Variants in SH2D4B observed in about 807,000 individuals in gnomAD.
SH2D4B encodes the protein SH2 domain-containing protein 4B.
A neutral mutation model predicts 61.5 loss-of-function variants in SH2D4B; 45 were observed. The observed-to-expected ratio is 0.73, with a 90% confidence interval of 0.58 to 0.94. The LOEUF (loss-of-function observed/expected upper bound fraction) is 0.94. Among genes scored for constraint, SH2D4B ranks in the 40% least tolerant of loss-of-function variants. The pLI is 0.00. For missense variants in SH2D4B, 572 were observed against 574.2 expected, an observed-to-expected ratio of 1.00 and a Z score of 0.04; for synonymous variants, 224 against 220.4, an observed-to-expected ratio of 1.02 and a Z score of -0.14.
chr10:80,544,355 C>A (rs1841636245), intron 1 of SH2D4B, among the ~76,000 whole-genome samples: 1 of 152,184 alleles, frequency 6.6e-6, no homozygotes, highest in African/African-American at 2.4e-5. Context: ...TCAGAAGGAA[C>A]AAACTCCGGA....
intron 3 of SH2D4B, among the ~76,000 whole-genome samples, chr10:80,575,959 G>A (rs1171283991): frequency 2.0e-5 from 3 of 152,230 alleles, no homozygotes; most frequent in Non-Finnish European, 1.5e-5. Context: ...ATTTAAGTCT[G>A]TTCGGGAAGA....
intron 3 of SH2D4B, among the ~76,000 whole-genome samples, chr10:80,572,643 G>A (rs1258446550): frequency 2.0e-5 from 3 of 151,484 alleles, no homozygotes; most frequent in Non-Finnish European, 2.9e-5. Flanking sequence ...TTTTTGAGAC[G>A]GAGTCTTGCT....
rs902521366 is a variant in SH2D4B, at chr10:80,538,950, T to C, written c.184+435T>C. ...TCCTTGGCATGCGTGGCACACCAGTTCTTGGCTAGGGCCCCTTCTGTGGAC... is the reference window on the plus strand; with the variant it reads ...TCCTTGGCATGCGTGGCACACCAGTCCTTGGCTAGGGCCCCTTCTGTGGAC... On this transcript the variant is annotated intron_variant, in intron 1 of 7. Coordinates refer to ENST00000646907, the MANE Select transcript of SH2D4B (RefSeq NM_001388272.1). The surrounding 1 kb of genome is among the most constrained non-coding windows in gnomAD (Gnocchi z 4.8). 6.6e-6 allele frequency among the ~76,000 whole-genome samples: 1 copy of C among 152,232 alleles called. No individual in the cohort carries two copies. Among genetic ancestry groups the C allele is most frequent in the African/African-American group, 2.4e-5 (1 of 41,462 alleles).
intron 4 of SH2D4B, among the ~76,000 whole-genome samples, chr10:80,600,190 T>G (rs1018515896): frequency 6.6e-6 from 1 of 152,224 alleles, no homozygotes; most frequent in African/African-American, 2.4e-5. Context: ...CGGAGCAGAA[T>G]TTAAACACAT....
rs771599916 is a variant in SH2D4B, at chr10:80,609,510, G to A, written c.947G>A (p.Gly316Asp). The A allele has an allele frequency of 1.2e-6, 2 of 1,614,116 alleles. No individual in the cohort carries two copies. Among genetic ancestry groups the A allele is most frequent in the Admixed American group, 3.3e-5 (2 of 60,008 alleles). The part of the protein sequence containing the change: ...FKEEQLPRRA[G>D]FERNTKFIAP... ...GAGGAGCAGCTGCCTCGCCGAGCTG[G>A]CTTCGAGAGGAACACCAAGTTCATC... is the stretch of plus-strand genomic sequence containing the variant. The change falls in exon 6 of 8, where the codon GGC (glycine) becomes GAC (aspartate). Residue 316 changes from glycine to aspartate, a missense_variant. Transcript: ENST00000646907.
chr10:80,538,287 T>A lies in SH2D4B; in HGVS notation c.-45T>A. ...CTCGGGCGTTCTGCCTGGCCCTGCTTCCCCTGCTGGCTGCCCTTCTGGTGC... is the reference window on the plus strand; with the variant it reads ...CTCGGGCGTTCTGCCTGGCCCTGCTACCCCTGCTGGCTGCCCTTCTGGTGC... On this transcript the variant is annotated 5_prime_UTR_variant, in exon 1 of 8. Coordinates refer to ENST00000646907, the MANE Select transcript of SH2D4B (RefSeq NM_001388272.1). The surrounding 1 kb of genome is among the most constrained non-coding windows in gnomAD (Gnocchi z 4.8). 1 of 1,286,492 alleles carries A rather than the reference T, an allele frequency of 7.8e-7. No homozygotes were observed. Among genetic ancestry groups the A allele is most frequent in the Non-Finnish European group, 9.9e-7 (1 of 1,008,066 alleles). 79.7% of individuals were successfully genotyped at this position (1,286,492 alleles called of 1,614,324 possible). A position where few individuals can be genotyped will look rare whatever the true frequency, so the allele number is the denominator to read the frequency against.
intron 4 of SH2D4B, among the ~76,000 whole-genome samples, chr10:80,600,970 G>A (rs1290393334): frequency 6.6e-6 from 1 of 152,144 alleles, no homozygotes; most frequent in Non-Finnish European, 1.5e-5. Context: ...GGAGCCTTTC[G>A]TCACAATACA....
rs1479921088 is a variant in SH2D4B, at chr10:80,571,592, TG to T, written c.495+18del. 1 of 1,611,966 alleles carries T rather than the reference TG, an allele frequency of 6.2e-7. No homozygotes were observed. Among genetic ancestry groups the T allele is most frequent in the African/African-American group, 1.3e-5 (1 of 74,856 alleles). Reference sequence around the variant, plus strand: ...GAGGAATTCAAGGTGGGCCAGCGCATGGGGCCCCTGCGTGCGGCCACCTAAT... The same window carrying T: ...GAGGAATTCAAGGTGGGCCAGCGCATGGGCCCCTGCGTGCGGCCACCTAAT... On this transcript the variant is annotated intron_variant, in intron 3 of 7. Transcript: ENST00000646907.
rs1371836757 is a variant in SH2D4B, at chr10:80,564,468, T to C, written c.185-5686T>C. On this transcript the variant is annotated intron_variant, in intron 1 of 7. Transcript: ENST00000646907. ...TGGCTTGGGATACTGCACTCACAGG[T>C]TATTCTCCTGCCTCACAGGCCTCTC... 4.6e-5 allele frequency among the ~76,000 whole-genome samples: 7 copies of C among 152,190 alleles called. No individual in the cohort carries two copies. In the East Asian group the frequency reaches 1.3e-3, roughly 29 times the overall value.
chr10:80,625,524 T>G (rs1026749606), intron 6 of SH2D4B, among the ~76,000 whole-genome samples: 4 of 152,068 alleles, frequency 2.6e-5, no homozygotes, highest in African/African-American at 9.7e-5. Flanking sequence ...TTTTTAAAAT[T>G]GTTTTCTTGT....
At chr10:80,544,978 C>T (rs1332765970) in intron 1 of SH2D4B, among the ~76,000 whole-genome samples, 2 of 152,200 alleles carry the variant, frequency 1.3e-5, no homozygotes, top group East Asian at 1.9e-4. Context: ...CAGAGTTCTT[C>T]ACTGGTCACC....
At chr10:80,596,985 A>G (rs1238964755) in intron 4 of SH2D4B, among the ~76,000 whole-genome samples, 1 of 149,244 alleles carries the variant, frequency 6.7e-6, no homozygotes, top group Non-Finnish European at 1.5e-5. Flanking sequence ...ACAATAAAAA[A>G]TAACATAACA....
intron 2 of SH2D4B, among the ~76,000 whole-genome samples, chr10:80,570,997 C>T: frequency 6.6e-6 from 1 of 152,108 alleles, no homozygotes; most frequent in East Asian, 1.9e-4. Flanking sequence ...GCCTCAGCCT[C>T]CTGAGTATCT....
In SH2D4B at chr10:80,608,308, G is replaced by A. The variant is rs145149774; in HGVS notation, c.861-1116G>A. Among the ~76,000 whole-genome samples the A allele has an allele frequency of 4.3e-3, 648 of 152,204 alleles. 3 individuals are homozygous for A. The highest frequency in any genetic ancestry group is 0.015 in the African/African-American group (631 of 41,522). On this transcript the variant is annotated intron_variant, in intron 5 of 7. Transcript: ENST00000646907. The stretch of plus-strand genomic sequence containing the variant: ...GAAGGCACAGAGGGCGGGAGGAGGA[G>A]GGGCACGGGAAGAGTTTAGATGAGG...
At chr10:80,554,082 C>T (rs977132800) in intron 1 of SH2D4B, among the ~76,000 whole-genome samples, 5 of 152,364 alleles carry the variant, frequency 3.3e-5, no homozygotes, top group African/African-American at 1.2e-4. Flanking sequence ...TAGCAGAGCA[C>T]ATTCCTCCTG....
At chr10:80,594,986 G>A (rs904695529) in intron 4 of SH2D4B, among the ~76,000 whole-genome samples, 6 of 151,918 alleles carry the variant, frequency 3.9e-5, no homozygotes, top group African/African-American at 1.5e-4. Context: ...GACCTAGCAT[G>A]TAATCAAATG....
At chr10:80,550,891 CAT>C (rs58598097) in intron 1 of SH2D4B, among the ~76,000 whole-genome samples, 3,940 of 152,044 alleles carry the variant, frequency 0.026, 141 homozygotes, top group African/African-American at 0.087. Flanking sequence ...TGATGAAAAA[CAT>C]ATATTGCAGG....
intron 1 of SH2D4B, among the ~76,000 whole-genome samples, chr10:80,550,710 G>A (rs930326922): frequency 2.0e-5 from 3 of 152,194 alleles, no homozygotes; most frequent in Non-Finnish European, 4.4e-5. Flanking sequence ...TAAAATAGGT[G>A]TCTTTGAATC....
intron 3 of SH2D4B, among the ~76,000 whole-genome samples, chr10:80,582,306 A>G (rs775736062): frequency 7.2e-5 from 11 of 152,244 alleles, no homozygotes; most frequent in Non-Finnish European, 1.3e-4. Flanking sequence ...ACCTGCAGCC[A>G]GGGTTGCCCC....
Sources: gnomAD v4.1 joint callset for allele counts (sites outside exome capture counted in the v4.1 genomes callset) on GRCh38, gnomAD v4.1.1 for gene constraint, Gnocchi (gnomAD v3.1) non-coding constraint, MANE v1.5 for transcripts, NCBI Gene and HGNC (gene_info 2026-07-23, HGNC 2026-07-21) for gene names.